GABRA3: variants seen among roughly 807,000 people sequenced by gnomAD.
GABRA3 encodes the protein gamma-aminobutyric acid receptor subunit alpha-3.
GABRA3 carries 10 observed loss-of-function variants against 30.1 expected under a neutral mutation model. The ratio of observed to expected loss-of-function variants is 0.33; its 90% CI spans 0.20 to 0.56. The LOEUF is 0.56. Ranked by LOEUF, GABRA3 falls within the 20% of genes least tolerant of loss-of-function variation. The pLI is 0.89. For missense variants in GABRA3, 233 were observed against 392.0 expected, an observed-to-expected ratio of 0.59 and a Z score of 3.42; for synonymous variants, 151 against 146.8, an observed-to-expected ratio of 1.03 and a Z score of -0.21.
chrX:152,224,940 T>C lies in GABRA3; in HGVS notation c.552-95A>G, dbSNP rs1319548131. ...CACTCAGTTCCTAAGAATAACGAGA[T>C]TTTTGTTTGTTTAAGTTCACTGAGA... On this transcript the variant is annotated intron_variant, in intron 5 of 9. Coordinates refer to ENST00000370314, the MANE Select transcript of GABRA3 (RefSeq NM_000808.4). 5 of 579,399 alleles carry C rather than the reference T, an allele frequency of 8.6e-6. No homozygotes were observed. In the East Asian group the frequency reaches 1.3e-4, roughly 16 times the overall value. 47.7% of individuals were successfully genotyped at this position (579,399 alleles called of 1,213,427 possible).
intron 5 of GABRA3, among the ~76,000 whole-genome samples, chrX:152,251,851 C>T (rs749232384): frequency 9.0e-6 from 1 of 110,835 alleles, no homozygotes; most frequent in East Asian, 2.9e-4. Flanking sequence ...TTTCTCTGTC[C>T]TATCCTCCCC....
intron 4 of GABRA3, among the ~76,000 whole-genome samples, chrX:152,280,009 G>A: frequency 9.0e-6 from 1 of 111,219 alleles, no homozygotes; most frequent in African/African-American, 3.3e-5. Context: ...AGGAGATTTT[G>A]GGCTGAGATG....
At chrX:152,208,518 C>T (rs1331913329) in intron 6 of GABRA3, among the ~76,000 whole-genome samples, 1 of 111,483 alleles carries the variant, frequency 9.0e-6, no homozygotes, top group African/African-American at 3.3e-5. Context: ...CTACAGGAGC[C>T]ATAGAGGTTG....
At chrX:152,386,483 C>A (rs774677715) in intron 1 of GABRA3, among the ~76,000 whole-genome samples, 8 of 110,420 alleles carry the variant, frequency 7.2e-5, no homozygotes, top group Non-Finnish European at 9.5e-5. Flanking sequence ...AAAAAGTGGG[C>A]GAAGGACATG....
At chrX:152,349,573 A>G (rs367714748) in intron 2 of GABRA3, among the ~76,000 whole-genome samples, 3 of 108,870 alleles carry the variant, frequency 2.8e-5, no homozygotes, top group East Asian at 2.9e-4. Flanking sequence ...CTCACGTGCA[A>G]AGACACACAT....
chrX:152,301,374 T>C (rs1939627099), intron 3 of GABRA3, among the ~76,000 whole-genome samples: 2 of 112,069 alleles, frequency 1.8e-5, no homozygotes, highest in African/African-American at 6.5e-5. Flanking sequence ...GAAGTTTCTT[T>C]GGGCTCAAGA....
intron 9 of GABRA3, among the ~76,000 whole-genome samples, chrX:152,169,905 A>G (rs975116628): frequency 9.0e-6 from 1 of 110,786 alleles, no homozygotes; most frequent in Non-Finnish European, 1.9e-5. Flanking sequence ...CTCTTCATAT[A>G]TCCTTTCTTC....
chrX:152,346,795 A>C (rs1940399048), intron 2 of GABRA3, among the ~76,000 whole-genome samples: 1 of 111,979 alleles, frequency 8.9e-6, no homozygotes, highest in South Asian at 3.7e-4. Context: ...ATAACATATC[A>C]TCTCACCCCA....
At chrX:152,253,335 C>T (rs1353827724) in intron 5 of GABRA3, among the ~76,000 whole-genome samples, 1 of 100,800 alleles carries the variant, frequency 9.9e-6, no homozygotes, top group Admixed American at 9.9e-5. Flanking sequence ...ACTTGAATAT[C>T]TAACTGCTGT....
chrX:152,437,156 G>A (rs1930796917), intron 1 of GABRA3, among the ~76,000 whole-genome samples: 1 of 111,234 alleles, frequency 9.0e-6, no homozygotes, highest in African/African-American at 3.3e-5. Context: ...CGCACTCACG[G>A]GAAAGACTGA....
intron 4 of GABRA3, among the ~76,000 whole-genome samples, chrX:152,284,000 G>A (rs1284791262): frequency 9.0e-6 from 1 of 110,971 alleles, no homozygotes; most frequent in African/African-American, 3.3e-5. Context: ...TATCGATAGG[G>A]TATCTATTTG....
chrX:152,355,942 G>A (rs765540454), intron 2 of GABRA3, among the ~76,000 whole-genome samples: 2 of 111,530 alleles, frequency 1.8e-5, no homozygotes, highest in African/African-American at 6.5e-5. Flanking sequence ...ATCAGAAACT[G>A]GTGCTCTAGA....
At chrX:152,344,897 T>C (rs1018020903) in intron 3 of GABRA3, among the ~76,000 whole-genome samples, 2 of 111,846 alleles carry the variant, frequency 1.8e-5, no homozygotes, top group African/African-American at 6.5e-5. Flanking sequence ...TTGGAAAAAT[T>C]TGAATATGGA....
chrX:152,233,945 C>A lies in GABRA3; in HGVS notation c.552-9100G>T, dbSNP rs1420069245. On this transcript the variant is annotated intron_variant, in intron 5 of 9. Coordinates refer to ENST00000370314, the MANE Select transcript of GABRA3 (RefSeq NM_000808.4). ...ATCATTCTCAGTAAACTATTGCAAGCACAAAAAACCAAACACCGCATATTC... is the reference window on the plus strand; with the variant it reads ...ATCATTCTCAGTAAACTATTGCAAGAACAAAAAACCAAACACCGCATATTC... 5.7e-5 allele frequency among the ~76,000 whole-genome samples: 6 copies of A among 104,618 alleles called. No homozygotes were observed. In the East Asian group the frequency reaches 1.2e-3, roughly 22 times the overall value. 90.8% of individuals were successfully genotyped at this position (104,618 alleles called of 115,157 possible). A position where few individuals can be genotyped will look rare whatever the true frequency, so the allele number is the denominator to read the frequency against.
chrX:152,405,474 T>C (rs1233799452), intron 1 of GABRA3, among the ~76,000 whole-genome samples: 2 of 110,099 alleles, frequency 1.8e-5, no homozygotes, highest in Non-Finnish European at 1.9e-5. Flanking sequence ...ACGTGGACTG[T>C]GCATGACCCA....
chrX:152,364,397 GT>G (rs1388136436), intron 2 of GABRA3, 33 bp downstream of exon 2: 1 of 1,183,107 alleles, frequency 8.5e-7, no homozygotes, highest in South Asian at 1.9e-5. Context: ...ATTTATCACA[GT>G]CTTCTTTCAT....
intron 6 of GABRA3, among the ~76,000 whole-genome samples, chrX:152,215,813 T>G (rs1937709376): frequency 9.0e-6 from 1 of 110,855 alleles, no homozygotes; most frequent in Non-Finnish European, 1.9e-5. Flanking sequence ...GAACAGAAAA[T>G]ACACAGAATG....
intron 5 of GABRA3, among the ~76,000 whole-genome samples, chrX:152,236,254 T>C (rs199929620): frequency 9.5e-6 from 1 of 104,784 alleles, no homozygotes; most frequent in East Asian, 3.0e-4. Flanking sequence ...GTTTGGTTTT[T>C]TGTTCTTGCG....
intron 4 of GABRA3, among the ~76,000 whole-genome samples, chrX:152,274,160 TTGTA>T (rs1376613210): frequency 9.0e-6 from 1 of 111,682 alleles, no homozygotes; most frequent in Non-Finnish European, 1.9e-5. Flanking sequence ...AACTCTAACT[TTGTA>T]TGTTTCAATA....
Sources: gnomAD v4.1 joint callset for allele counts (sites outside exome capture counted in the v4.1 genomes callset) on GRCh38, gnomAD v4.1.1 for gene constraint, MANE v1.5 for transcripts, NCBI Gene and HGNC (gene_info 2026-07-23, HGNC 2026-07-21) for gene names.